NRXN1: variants seen among roughly 807,000 people sequenced by gnomAD.
NRXN1 encodes neurexin-1.
A neutral mutation model predicts 150.9 loss-of-function variants in NRXN1; 39 were observed. That is an observed-to-expected ratio of 0.26 (90% CI 0.20 to 0.34). The LOEUF is 0.34. Ranked by LOEUF, NRXN1 falls within the 10% of genes least tolerant of loss-of-function variation. NRXN1 has a pLI of 1.00. For missense variants in NRXN1, 1,815 were observed against 1,949.9 expected (o/e 0.93, Z 1.30); for synonymous variants, 924 against 757.0 (o/e 1.22, Z -3.62).
chr2:50,605,400 G>A (rs1445911471), intron 8 of NRXN1, among the ~76,000 whole-genome samples: 1 of 152,154 alleles, frequency 6.6e-6, no homozygotes, highest in Non-Finnish European at 1.5e-5. Context: ...AACACATTTG[G>A]AGGAGTTGCC....
At chr2:50,257,649 G>T (rs1010655961) in intron 17 of NRXN1, among the ~76,000 whole-genome samples, 2 of 151,812 alleles carry the variant, frequency 1.3e-5, no homozygotes. Context: ...AATTTTTTCT[G>T]TACTATACAT....
intron 21 of NRXN1, among the ~76,000 whole-genome samples, chr2:49,946,348 CTGA>C: frequency 6.6e-6 from 1 of 152,194 alleles, no homozygotes; most frequent in East Asian, 1.9e-4. Flanking sequence ...CCTGTCCATT[CTGA>C]TGATAGTTTC....
rs569404319 is a variant in NRXN1 at position 50,295,159 on chromosome 2, T to C, written c.3365-58189A>G. On this transcript the variant is annotated intron_variant, in intron 17 of 22. Coordinates refer to ENST00000401669, the MANE Select transcript of NRXN1 (RefSeq NM_001330078.2). Reference sequence around the variant, plus strand: ...CCCTGGCCTTCCTCCCTACCCTCCATTGAGGGTACAATAGCATGTGGTATC... The same window carrying C: ...CCCTGGCCTTCCTCCCTACCCTCCACTGAGGGTACAATAGCATGTGGTATC... 3.1e-4 allele frequency among the ~76,000 whole-genome samples: 47 copies of C among 152,314 alleles called. No homozygotes were observed. In the South Asian group the frequency reaches 9.1e-3, roughly 30 times the overall value.
At chr2:50,844,876 C>T (rs746770555) in intron 5 of NRXN1, among the ~76,000 whole-genome samples, 1 of 150,908 alleles carries the variant, frequency 6.6e-6, no homozygotes, top group African/African-American at 2.4e-5. Flanking sequence ...TTTTTTGAAG[C>T]AGAGGCTTAT....
chr2:50,257,406 C>T (rs760252918), intron 17 of NRXN1, among the ~76,000 whole-genome samples: 4 of 152,082 alleles, frequency 2.6e-5, no homozygotes, highest in Non-Finnish European at 5.9e-5. Context: ...AACTGACCCA[C>T]ACAAGCCCCT....
intron 17 of NRXN1, among the ~76,000 whole-genome samples, chr2:50,455,116 G>A (rs1486480408): frequency 6.6e-6 from 1 of 152,188 alleles, no homozygotes; most frequent in African/African-American, 2.4e-5. Context: ...GAAGAACAAA[G>A]CATGCTGTAG....
intron 18 of NRXN1, among the ~76,000 whole-genome samples, chr2:50,193,867 G>C (rs1248232644): frequency 6.6e-6 from 1 of 152,030 alleles, no homozygotes; most frequent in Non-Finnish European, 1.5e-5. Context: ...CAATTTGAAA[G>C]TGGTTGTATG....
chr2:50,763,655 C>A (rs1702070825), intron 5 of NRXN1, among the ~76,000 whole-genome samples: 1 of 151,888 alleles, frequency 6.6e-6, no homozygotes, highest in African/African-American at 2.4e-5. Context: ...TGGTCAGCAT[C>A]AAAAGATTCC....
chr2:50,092,326 CT>C (rs1699693486), intron 18 of NRXN1, among the ~76,000 whole-genome samples: 1 of 152,192 alleles, frequency 6.6e-6, no homozygotes, highest in Non-Finnish European at 1.5e-5. Context: ...GCTATGTCCT[CT>C]GCCTCTGAGA....
intron 2 of NRXN1, among the ~76,000 whole-genome samples, chr2:50,948,840 T>TG (rs1690829163): frequency 6.6e-6 from 1 of 152,006 alleles, no homozygotes; most frequent in African/African-American, 2.4e-5. Context: ...TATTTACAAG[T>TG]AGGGACAATG....
intron 21 of NRXN1, among the ~76,000 whole-genome samples, chr2:50,042,043 C>T (rs1006072301): frequency 6.6e-6 from 1 of 152,156 alleles, no homozygotes; most frequent in Non-Finnish European, 1.5e-5. Flanking sequence ...CATATCGCAT[C>T]CACCCCTTTT....
At chr2:49,979,318 G>C (rs912957980) in intron 21 of NRXN1, among the ~76,000 whole-genome samples, 1 of 152,064 alleles carries the variant, frequency 6.6e-6, no homozygotes, top group Non-Finnish European at 1.5e-5. Flanking sequence ...AAAACTTAGA[G>C]GGAGGGGAAA....
chr2:50,411,808 G>A (rs909410327), intron 17 of NRXN1, among the ~76,000 whole-genome samples: 4 of 152,226 alleles, frequency 2.6e-5, no homozygotes, highest in East Asian at 1.9e-4. Flanking sequence ...ACCCCGTCCC[G>A]GAGGTGTACC....
intron 5 of NRXN1, among the ~76,000 whole-genome samples, chr2:50,671,350 A>AT (rs547047587): frequency 4.0e-5 from 6 of 151,330 alleles, no homozygotes; most frequent in South Asian, 2.1e-4. Context: ...CAGAAAATAC[A>AT]TTTTTTTTCT....
At chr2:50,338,397 A>G (rs968710234) in intron 17 of NRXN1, among the ~76,000 whole-genome samples, 1 of 152,220 alleles carries the variant, frequency 6.6e-6, no homozygotes, top group South Asian at 2.1e-4. Flanking sequence ...ATGAAATAAA[A>G]GGAAATAAGC....
intron 17 of NRXN1, among the ~76,000 whole-genome samples, chr2:50,383,994 G>C (rs17466651): frequency 0.09 from 13,625 of 152,208 alleles, 830 homozygotes; most frequent in Non-Finnish European, 0.13. Context: ...ACCTTTGTCA[G>C]ATTTTGAAGA....
chr2:50,151,039 C>T (rs968016534), intron 18 of NRXN1, among the ~76,000 whole-genome samples: 2 of 151,664 alleles, frequency 1.3e-5, no homozygotes, highest in African/African-American at 4.8e-5. Context: ...TGCAATAAAA[C>T]TTAAGAGTTC....
At chr2:49,928,604 C>T (rs1028018771) in intron 22 of NRXN1, among the ~76,000 whole-genome samples, 2 of 151,932 alleles carry the variant, frequency 1.3e-5, no homozygotes, top group Non-Finnish European at 2.9e-5. Context: ...GAGATTAGCA[C>T]ACTTTTTTCC....
intron 21 of NRXN1, among the ~76,000 whole-genome samples, chr2:50,034,116 A>C (rs1358585244): frequency 1.3e-5 from 2 of 152,108 alleles, no homozygotes; most frequent in African/African-American, 2.4e-5. Context: ...CATAACTACC[A>C]TTTTACCCAG....
Sources: gnomAD v4.1 joint callset for allele counts (sites outside exome capture counted in the v4.1 genomes callset) on GRCh38, gnomAD v4.1.1 for gene constraint, MANE v1.5 for transcripts, NCBI Gene and HGNC (gene_info 2026-07-23, HGNC 2026-07-21) for gene names.